Variants in NECTIN3 observed in about 807,000 individuals in gnomAD.
The protein encoded by NECTIN3 is nectin-3.
In NECTIN3, 8 loss-of-function variants were observed where a neutral mutation model predicts 49.4. That is an observed-to-expected ratio of 0.16 (90% CI 0.10 to 0.29). NECTIN3 has a LOEUF of 0.29. Ranked by LOEUF, NECTIN3 falls within the 10% of genes least tolerant of loss-of-function variation. NECTIN3 has a pLI of 1.00. For missense variants in NECTIN3, 581 were observed against 654.6 expected, an observed-to-expected ratio of 0.89 and a Z score of 1.23; for synonymous variants, 277 against 241.1, an observed-to-expected ratio of 1.15 and a Z score of -1.38.
At chr3:111,128,061 G>A (rs1030405994) in intron 5 of NECTIN3, among the ~76,000 whole-genome samples, 2 of 152,126 alleles carry the variant, frequency 1.3e-5, no homozygotes, top group Non-Finnish European at 2.9e-5. Flanking sequence ...GGCTTGACTG[G>A]GCGTGGTGGC....
chr3:111,171,443 G>GA (rs2035430949), intron 7 of NECTIN3, among the ~76,000 whole-genome samples: 1 of 152,180 alleles, frequency 6.6e-6, no homozygotes, highest in Non-Finnish European at 1.5e-5. Context: ...GTTCATCAAT[G>GA]AAAGGGGCTG....
At chr3:111,075,868 A>G (rs901862406) in intron 1 of NECTIN3, among the ~76,000 whole-genome samples, 2 of 152,118 alleles carry the variant, frequency 1.3e-5, no homozygotes, top group Non-Finnish European at 2.9e-5. Flanking sequence ...TAGTGATCAT[A>G]CTGAAGATAG....
At position 111,072,007 on chromosome 3, in the gene NECTIN3, G is replaced by T. The variant is rs546419037; in HGVS notation, c.-11G>T. The T allele has an allele frequency of 9.8e-5, 146 of 1,486,818 alleles. No individual in the cohort carries two copies. The East Asian group carries it at 2.3e-3, about 23-fold the overall frequency. The allele number at this position is 1,486,818 out of a possible 1,614,324, so 92.1% of individuals were successfully genotyped here. A position where few individuals can be genotyped will look rare whatever the true frequency, so the allele number is the denominator to read the frequency against. On this transcript the variant is annotated 5_prime_UTR_variant, in exon 1 of 6. Transcript: ENST00000485303. ...GGCGGGCGGGCGAGCGGGCCGGGGG[G>T]AGGGTGGGGGATGGCGCGGACCCTG...
At chr3:111,128,922 C>T (rs985235482) in intron 5 of NECTIN3, among the ~76,000 whole-genome samples, 2 of 152,214 alleles carry the variant, frequency 1.3e-5, no homozygotes, top group Non-Finnish European at 2.9e-5. Context: ...TCACTCCTCT[C>T]CTCAAAACCT....
At chr3:111,149,901 A>G (rs1559809242) in intron 7 of NECTIN3, among the ~76,000 whole-genome samples, 1 of 152,024 alleles carries the variant, frequency 6.6e-6, no homozygotes, top group African/African-American at 2.4e-5. Flanking sequence ...AAAATTTTTG[A>G]AAACACTGCA....
At chr3:111,089,372 A>G (rs2032118055) in intron 1 of NECTIN3, among the ~76,000 whole-genome samples, 1 of 150,782 alleles carries the variant, frequency 6.6e-6, no homozygotes, top group Admixed American at 6.6e-5. Context: ...CATTCTTCAG[A>G]TGGATAGTTA....
intron 1 of NECTIN3, among the ~76,000 whole-genome samples, chr3:111,095,938 G>A (rs1289803704): frequency 2.0e-5 from 3 of 152,180 alleles, no homozygotes; most frequent in African/African-American, 7.2e-5. Flanking sequence ...GGCTAAAATA[G>A]TAAATTGGTG....
intron 7 of NECTIN3, among the ~76,000 whole-genome samples, chr3:111,150,316 T>C (rs2034973613): frequency 6.6e-6 from 1 of 152,016 alleles, no homozygotes; most frequent in Non-Finnish European, 1.5e-5. Context: ...TCTCTCCTGA[T>C]ACCTATTTTC....
chr3:111,082,286 C>G (rs148722069), intron 1 of NECTIN3, among the ~76,000 whole-genome samples: 44 of 151,722 alleles, frequency 2.9e-4, no homozygotes, highest in South Asian at 6.3e-4. Context: ...GGGTGAGGTA[C>G]GAGGGGTAGG....
At chr3:111,103,459 T>C (rs1243227670) in intron 1 of NECTIN3, among the ~76,000 whole-genome samples, 5 of 152,008 alleles carry the variant, frequency 3.3e-5, no homozygotes, top group Non-Finnish European at 7.4e-5. Flanking sequence ...TTGACTTTTT[T>C]TTTTTTTTAA....
chr3:111,176,115 C>T (rs1291704815), intron 7 of NECTIN3, among the ~76,000 whole-genome samples: 1 of 152,148 alleles, frequency 6.6e-6, no homozygotes, highest in African/African-American at 2.4e-5. Flanking sequence ...AATACCCAAA[C>T]TCTATTTGGC....
intron 7 of NECTIN3, among the ~76,000 whole-genome samples, chr3:111,176,535 A>C (rs1262149475): frequency 6.6e-6 from 1 of 152,220 alleles, no homozygotes; most frequent in Non-Finnish European, 1.5e-5. Context: ...TGGGTTTTAT[A>C]TTTAAAAAAT....
At chr3:111,114,617 G>C (rs1238995283) in intron 2 of NECTIN3, among the ~76,000 whole-genome samples, 1 of 152,106 alleles carries the variant, frequency 6.6e-6, no homozygotes, top group Non-Finnish European at 1.5e-5. Flanking sequence ...ATATTTCGTA[G>C]GAGAAATAGT....
In NECTIN3 at chr3:111,133,905, C is replaced by T. The variant is rs1314585184; in HGVS notation, c.1340C>T (p.Ser447Leu). 3.1e-6 allele frequency: 5 copies of T among 1,613,882 alleles called. No individual in the cohort carries two copies. The highest frequency in any genetic ancestry group is 3.3e-5 in the Admixed American group (2 of 59,988). Reference sequence around the variant, plus strand: ...TTTGCCAAGAACTACATTCCACCATCAGATATGCAAAAAGAATCACAAATA... The same window carrying T: ...TTTGCCAAGAACTACATTCCACCATTAGATATGCAAAAAGAATCACAAATA... ...DYFAKNYIPP[S>L]DMQKESQIDV... The change falls in exon 6 of 6, where the codon TCA becomes TTA. Residue 447 changes from serine (S) to leucine (L), a missense_variant. Around this residue, in one of 3 missense-constraint regions of NECTIN3, gnomAD observed 238 missense variants for 244.9 expected, o/e 0.97. Coordinates refer to ENST00000485303, the MANE Select transcript of NECTIN3 (RefSeq NM_015480.3).
intron 1 of NECTIN3, among the ~76,000 whole-genome samples, chr3:111,095,381 A>G (rs937894853): frequency 6.6e-6 from 1 of 152,224 alleles, no homozygotes; most frequent in Non-Finnish European, 1.5e-5. Context: ...CTTAATGGAA[A>G]TTATGGTGGA....
Position 111,113,856 on chromosome 3 carries a change from T to A in NECTIN3, c.502+1485T>A, listed in dbSNP as rs1266862282. On this transcript the variant is annotated intron_variant, in intron 2 of 5. Coordinates refer to ENST00000485303, the MANE Select transcript of NECTIN3 (RefSeq NM_015480.3). Reference sequence around the variant, plus strand: ...AAAATTAGCCAGGCATGGTAGTGCATGCCTGTAATCCCAGCTACTCGGGTG... The same window carrying A: ...AAAATTAGCCAGGCATGGTAGTGCAAGCCTGTAATCCCAGCTACTCGGGTG... Among the ~76,000 whole-genome samples, 3 of 152,172 alleles carry A rather than the reference T, an allele frequency of 2.0e-5. No individual in the cohort carries two copies. The South Asian group carries it at 6.2e-4, about 32-fold the overall frequency.
chr3:111,071,828 G>A lies in NECTIN3; in HGVS notation c.-190G>A, dbSNP rs2030746183. On this transcript the variant is annotated 5_prime_UTR_variant, in exon 1 of 6. Coordinates refer to ENST00000485303, the MANE Select transcript of NECTIN3 (RefSeq NM_015480.3). ...CGGCTCCCGCTTCAGCCTCGGCAGT[G>A]GCGTCGGCGACGGCGGTGTCGAGGC... The A allele has an allele frequency of 8.0e-6, 3 of 376,838 alleles. No homozygotes were observed. Among genetic ancestry groups the A allele is most frequent in the South Asian group, 2.3e-4 (2 of 8,782 alleles). 23.3% of individuals were successfully genotyped at this position (376,838 alleles called of 1,614,324 possible). A position where few individuals can be genotyped will look rare whatever the true frequency, so the allele number is the denominator to read the frequency against.
chr3:111,174,356 T>C (rs980317001), intron 7 of NECTIN3, among the ~76,000 whole-genome samples: 4 of 152,230 alleles, frequency 2.6e-5, no homozygotes, highest in Non-Finnish European at 5.9e-5. Flanking sequence ...GTGTTATTTA[T>C]AATCATTTTT....
chr3:111,092,430 C>A (rs2032322477), intron 1 of NECTIN3, among the ~76,000 whole-genome samples: 2 of 151,946 alleles, frequency 1.3e-5, no homozygotes, highest in South Asian at 4.2e-4. Context: ...TTAGTTGTAC[C>A]TCTTATATTC....
Sources: gnomAD v4.1 joint callset for allele counts (sites outside exome capture counted in the v4.1 genomes callset) on GRCh38, gnomAD v4.1.1 for gene constraint, gnomAD v4.1.1 regional missense constraint, MANE v1.5 for transcripts, NCBI Gene and HGNC (gene_info 2026-07-23, HGNC 2026-07-21) for gene names.